FRMD4B: variants seen among roughly 807,000 people sequenced by gnomAD.
The protein encoded by FRMD4B is FERM domain containing 4B.
Under a neutral mutation model 141.5 loss-of-function variants are expected in FRMD4B, and 74 were observed. The ratio of observed to expected loss-of-function variants is 0.52; its 90% CI spans 0.43 to 0.63. The LOEUF (loss-of-function observed/expected upper bound fraction) is 0.63, where lower values mean the gene tolerates loss of function less well. Among genes scored for constraint, FRMD4B ranks in the 30% least tolerant of loss-of-function variants. The probability of loss-of-function intolerance (pLI) is 0.00; values close to 1 mark genes in which losing one functional copy is unlikely to be tolerated. For synonymous variants in FRMD4B, 506 were observed against 467.9 expected, an observed-to-expected ratio of 1.08 and a Z score of -1.05; for missense variants, 1,366 against 1,253.4, an observed-to-expected ratio of 1.09 and a Z score of -1.36.
rs10699871 is a variant in FRMD4B at position 69,293,880 on chromosome 3, C to CAAAAAA, written c.417-6050_417-6045dup. ...TGGGTGACAGAGCTAGATTCTGCCT[C>CAAAAAA]AAAAAAAAAAAAAAAAAAAAAAAAA... On this transcript the variant is annotated intron_variant, in intron 4 of 22. Coordinates refer to ENST00000398540, the MANE Select transcript of FRMD4B (RefSeq NM_015123.3). 3.0e-3 allele frequency among the ~76,000 whole-genome samples: 225 copies of CAAAAAA among 74,406 alleles called. 8 individuals are homozygous for CAAAAAA. Among genetic ancestry groups the CAAAAAA allele is most frequent in the East Asian group, 0.024 (47 of 2,000 alleles). The allele number at this position is 74,406 out of a possible 152,430, so 48.8% of individuals were successfully genotyped here.
intron 22 of FRMD4B, among the ~76,000 whole-genome samples, chr3:69,172,298 A>G (rs1229097356): frequency 6.6e-6 from 1 of 152,248 alleles, no homozygotes; most frequent in Non-Finnish European, 1.5e-5. Flanking sequence ...AGAAATACAA[A>G]TAACTTGTCT....
chr3:69,359,184 T>A (rs1243157575), intron 1 of FRMD4B, among the ~76,000 whole-genome samples: 7 of 152,050 alleles, frequency 4.6e-5, no homozygotes, highest in African/African-American at 1.7e-4. Flanking sequence ...ATGAGGTAAT[T>A]TCAGACAAGA....
At chr3:69,323,653 T>A (rs910926129) in intron 1 of FRMD4B, among the ~76,000 whole-genome samples, 29 of 128,346 alleles carry the variant, frequency 2.3e-4, no homozygotes, top group African/African-American at 8.1e-4. Flanking sequence ...TATATATATA[T>A]GCGTTTTAAA....
rs143321377 is a variant in FRMD4B at position 69,260,123 on chromosome 3, G to C, written c.502-10024C>G. 7.4e-3 allele frequency among the ~76,000 whole-genome samples: 1,128 copies of C among 152,030 alleles called. 16 individuals carry two copies. Among genetic ancestry groups the C allele is most frequent in the African/African-American group, 0.026 (1,089 of 41,474 alleles). On this transcript the variant is annotated intron_variant, in intron 5 of 22. Transcript: ENST00000398540. ...AGGTGACAACGTGCTAGCAGCCCTC[G>C]CTCGCTCTCGGTGCCTCCTTGGCCT... is the stretch of plus-strand genomic sequence containing the variant.
At chr3:69,228,443 G>C (rs966528672) in intron 7 of FRMD4B, 8 of 456,754 alleles carry the variant, frequency 1.8e-5, no homozygotes, top group African/African-American at 1.6e-4. Flanking sequence ...CTGAGATATG[G>C]TGTGAACTCT....
At chr3:69,489,536 T>G (rs1289816484) in intron 1 of FRMD4B, among the ~76,000 whole-genome samples, 2 of 152,034 alleles carry the variant, frequency 1.3e-5, no homozygotes, top group East Asian at 1.9e-4. Flanking sequence ...CCAGAGTGAG[T>G]TGCTACTTTA....
In FRMD4B at chr3:69,386,064, T is replaced by A; in HGVS notation, c.-75A>T. 7.7e-7 allele frequency: 1 copy of A among 1,301,254 alleles called. No individual in the cohort carries two copies. The highest frequency in any genetic ancestry group is 1.0e-6 in the Non-Finnish European group (1 of 992,516). The allele number at this position is 1,301,254 out of a possible 1,614,324, so 80.6% of individuals were successfully genotyped here. ...CCCCGACCCCAGCGGCCTGCCCGCC[T>A]GGGCTCCCGACGCCGGCTTCTGCTG... On this transcript the variant is annotated 5_prime_UTR_variant, in exon 1 of 23. Transcript: ENST00000398540.
At chr3:69,482,697 G>C (rs538743215) in intron 1 of FRMD4B, among the ~76,000 whole-genome samples, 2 of 152,316 alleles carry the variant, frequency 1.3e-5, no homozygotes, top group East Asian at 3.9e-4. Flanking sequence ...AAATATATTA[G>C]AGGGGGCAGG....
chr3:69,218,811 T>C (rs1420571797), intron 9 of FRMD4B, among the ~76,000 whole-genome samples: 1 of 152,152 alleles, frequency 6.6e-6, no homozygotes, highest in African/African-American at 2.4e-5. Context: ...CTGTCAAAAC[T>C]CCTAGAAATA....
intron 1 of FRMD4B, among the ~76,000 whole-genome samples, chr3:69,504,769 T>C (rs1706567926): frequency 6.6e-6 from 1 of 152,204 alleles, no homozygotes; most frequent in Non-Finnish European, 1.5e-5. Context: ...TTTGCACACA[T>C]CTTAGTTGGT....
chr3:69,194,843 T>A (rs1013934391), intron 16 of FRMD4B, among the ~76,000 whole-genome samples, 179 bp downstream of exon 16: 1 of 152,186 alleles, frequency 6.6e-6, no homozygotes, highest in African/African-American at 2.4e-5. Context: ...TAGTGAGAAG[T>A]AACTCAATTT....
chr3:69,540,788 C>T (rs1276456046), intron 1 of FRMD4B, among the ~76,000 whole-genome samples: 1 of 151,532 alleles, frequency 6.6e-6, no homozygotes, highest in Non-Finnish European at 1.5e-5. Flanking sequence ...AAGAGCCTGG[C>T]ATCTGAAATT....
upstream of FRMD4B, among the ~76,000 whole-genome samples, chr3:69,389,032 CTTTT>C (rs34005688): frequency 8.3e-5 from 9 of 108,778 alleles, no homozygotes; most frequent in Non-Finnish European, 1.3e-4. Flanking sequence ...TCTTAGTCTA[CTTTT>C]TTTTTTTTTT....
At chr3:69,196,782 G>A (rs911693975) in intron 13 of FRMD4B, 118 bp downstream of exon 13, 4 of 724,796 alleles carry the variant, frequency 5.5e-6, no homozygotes, top group Admixed American at 3.2e-5. Context: ...GAAGTTAAAC[G>A]CAAAAAAATC....
chr3:69,422,757 A>C (rs1024461775), intron 2 of FRMD4B, among the ~76,000 whole-genome samples: 3 of 152,218 alleles, frequency 2.0e-5, no homozygotes, highest in African/African-American at 4.8e-5. Flanking sequence ...TCATGTGTCA[A>C]ATAGTTACTT....
chr3:69,437,029 G>GATGATGAA lies in FRMD4B; in HGVS notation c.-128-4276_-128-4269dup, dbSNP rs1386115553. On this transcript the variant is annotated intron_variant, in intron 1 of 5. Transcript: ENST00000459638. ...TAATGGGCATAGAGTTTCAGTTCAG[G>GATGATGAA]ATGATGAAAAATGTTCTGGAGATGA... Among the ~76,000 whole-genome samples, 8 of 152,224 alleles carry GATGATGAA rather than the reference G, an allele frequency of 5.3e-5. No homozygotes were observed. In the East Asian group the frequency reaches 1.4e-3, roughly 26 times the overall value.
chr3:69,475,302 C>T (rs1469278949), intron 1 of FRMD4B, among the ~76,000 whole-genome samples: 1 of 151,802 alleles, frequency 6.6e-6, no homozygotes. Context: ...CTGTGCTGCA[C>T]CCATTAACTC....
At chr3:69,190,959 G>A (rs2092829133) in intron 17 of FRMD4B, among the ~76,000 whole-genome samples, 1 of 152,208 alleles carries the variant, frequency 6.6e-6, no homozygotes, top group Non-Finnish European at 1.5e-5. Context: ...ATCACGTAGT[G>A]CTGGGGTGAG....
At chr3:69,205,256 A>G (rs2093013772) in intron 11 of FRMD4B, among the ~76,000 whole-genome samples, 1 of 150,738 alleles carries the variant, frequency 6.6e-6, no homozygotes, top group South Asian at 2.1e-4. Flanking sequence ...AGCAGCCTCG[A>G]CTTCTCGGGC....
Sources: allele counts gnomAD v4.1 joint callset (sites outside exome capture counted in the v4.1 genomes callset), GRCh38; gene constraint gnomAD v4.1.1; transcripts MANE v1.5; gene names NCBI Gene and HGNC (gene_info 2026-07-23, HGNC 2026-07-21).